Variants in ZNF536 observed in about 807,000 individuals in gnomAD.
ZNF536 encodes the protein zinc finger protein 536.
A neutral mutation model predicts 84.5 loss-of-function variants in ZNF536; 13 were observed. The observed-to-expected ratio is 0.15, with a 90% CI of 0.10 to 0.24. The LOEUF (loss-of-function observed/expected upper bound fraction) is 0.24. Among genes scored for constraint, ZNF536 ranks in the 10% least tolerant of loss-of-function variants. The probability of loss-of-function intolerance (pLI) is 1.00; values close to 1 mark genes in which losing one functional copy is unlikely to be tolerated. For synonymous variants in ZNF536, 811 were observed against 742.5 expected (o/e 1.09, Z -1.50); for missense variants, 1,536 against 1,747.5 (o/e 0.88, Z 2.16).
intron 1 of ZNF536, among the ~76,000 whole-genome samples, chr19:30,614,985 C>T (rs1297084646): frequency 1.9e-5 from 1 of 51,842 alleles, no homozygotes. Context: ...TTCGCTCTGT[C>T]GCCCAGGCTG....
intron 2 of ZNF536, among the ~76,000 whole-genome samples, chr19:30,488,535 A>G (rs1378242953): frequency 1.3e-5 from 2 of 151,014 alleles, no homozygotes; most frequent in African/African-American, 4.9e-5. Context: ...AAAAATTCAA[A>G]AAGGAAAATT....
chr19:30,495,335 G>A (rs922695868), intron 2 of ZNF536, among the ~76,000 whole-genome samples: 2 of 152,236 alleles, frequency 1.3e-5, no homozygotes, highest in African/African-American at 2.4e-5. Flanking sequence ...TTGTGTGCTT[G>A]TGGTGTCTCT....
intron 2 of ZNF536, among the ~76,000 whole-genome samples, chr19:30,526,414 C>T (rs1440644128): frequency 6.6e-6 from 1 of 152,226 alleles, no homozygotes. Context: ...GTTTCACAGA[C>T]TCCACCAACA....
At chr19:30,634,072 C>T (rs2048981409) in intron 1 of ZNF536, among the ~76,000 whole-genome samples, 1 of 152,044 alleles carries the variant, frequency 6.6e-6, no homozygotes, top group Non-Finnish European at 1.5e-5. Context: ...GCTCAGGCTG[C>T]AGGAAGGTCG....
intron 2 of ZNF536, among the ~76,000 whole-genome samples, chr19:30,324,603 G>C (rs2046963498): frequency 6.6e-6 from 1 of 152,058 alleles, no homozygotes; most frequent in African/African-American, 2.4e-5. Context: ...CATTAATCAG[G>C]CTGGTCTTGA....
chr19:30,543,001 G>A (rs755946556), intron 3 of ZNF536, among the ~76,000 whole-genome samples: 4 of 152,046 alleles, frequency 2.6e-5, no homozygotes, highest in Non-Finnish European at 4.4e-5. Flanking sequence ...TTGTAGAAAC[G>A]AGGTCTCCCT....
rs550552843 is a variant in ZNF536 at position 30,305,285 on chromosome 19, G to A, written c.-120+21144G>A. Reference sequence around the variant, plus strand: ...GGCAAGAGTGGGTGCAAGAGAGACCGTGGGAAGGGAGGGGAGCTAGTGTCC... The same window carrying A: ...GGCAAGAGTGGGTGCAAGAGAGACCATGGGAAGGGAGGGGAGCTAGTGTCC... On this transcript the variant is annotated intron_variant, in intron 2 of 5. Coordinates refer to the ZNF536 transcript ENST00000585628. Among the ~76,000 whole-genome samples, 15 of 152,290 alleles carry A rather than the reference G, an allele frequency of 9.8e-5. No individual in the cohort carries two copies. The East Asian group carries it at 2.7e-3, about 28-fold the overall frequency.
chr19:30,409,808 T>A (rs947439622), intron 1 of ZNF536, among the ~76,000 whole-genome samples: 3 of 152,216 alleles, frequency 2.0e-5, no homozygotes, highest in African/African-American at 7.2e-5. Flanking sequence ...CTCATTTTGC[T>A]TTTTATTTCT....
At chr19:30,592,232 G>A (rs975397538) in intron 1 of ZNF536, among the ~76,000 whole-genome samples, 9 of 152,282 alleles carry the variant, frequency 5.9e-5, no homozygotes, top group Admixed American at 1.3e-4. Flanking sequence ...ATCCATTGGT[G>A]TTGTATAAAG....
intron 1 of ZNF536, among the ~76,000 whole-genome samples, chr19:30,584,126 A>G (rs62103420): frequency 5.4e-4 from 82 of 152,094 alleles, no homozygotes; most frequent in Non-Finnish European, 1.0e-3. Flanking sequence ...GCATCTTCCT[A>G]TCTCCCCTGA....
intron 2 of ZNF536, among the ~76,000 whole-genome samples, chr19:30,530,324 C>G (rs1255073397): frequency 7.2e-6 from 1 of 137,966 alleles, no homozygotes; most frequent in Non-Finnish European, 1.6e-5. Flanking sequence ...ACCTCTCTCT[C>G]TGTCTTTTTG....
intron 1 of ZNF536, among the ~76,000 whole-genome samples, chr19:30,701,732 A>G (rs961571554): frequency 3.3e-5 from 5 of 152,220 alleles, no homozygotes; most frequent in African/African-American, 9.6e-5. Context: ...GAAGACATGA[A>G]GTTGAATTCC....
At chr19:30,570,999 G>A (rs2046525801) in intron 1 of ZNF536, among the ~76,000 whole-genome samples, 1 of 152,196 alleles carries the variant, frequency 6.6e-6, no homozygotes, top group Non-Finnish European at 1.5e-5. Flanking sequence ...GCTCCTCAAA[G>A]GAAGATAAGT....
At chr19:30,231,185 TG>T (rs1351294629) in intron 1 of ZNF536, among the ~76,000 whole-genome samples, 1 of 152,248 alleles carries the variant, frequency 6.6e-6, no homozygotes, top group Admixed American at 6.5e-5. Context: ...GTGAGTTTTC[TG>T]CAGGTCAACA....
chr19:30,267,251 T>C (rs981900062), intron 1 of ZNF536, among the ~76,000 whole-genome samples: 2 of 152,360 alleles, frequency 1.3e-5, no homozygotes, highest in East Asian at 3.9e-4. Flanking sequence ...TTTCTGTTCT[T>C]AAGTACTTTT....
At chr19:30,479,928 C>T (rs1382303384) in intron 2 of ZNF536, among the ~76,000 whole-genome samples, 8 of 152,306 alleles carry the variant, frequency 5.3e-5, no homozygotes, top group South Asian at 2.1e-4. Flanking sequence ...ATGCAGGTCT[C>T]GGTCCCCAGC....
intron 1 of ZNF536, among the ~76,000 whole-genome samples, chr19:30,644,456 G>A (rs993166810): frequency 2.0e-5 from 3 of 151,934 alleles, no homozygotes; most frequent in Non-Finnish European, 2.9e-5. Context: ...ATGCTGGTGT[G>A]CTGCACCCAG....
chr19:30,474,313 T>TC, intron 2 of ZNF536, among the ~76,000 whole-genome samples: 1 of 150,052 alleles, frequency 6.7e-6, no homozygotes, highest in South Asian at 2.1e-4. Flanking sequence ...TAAACCCTCT[T>TC]TCTCTCTCTC....
chr19:30,304,143 C>T (rs768099318), intron 2 of ZNF536, among the ~76,000 whole-genome samples: 12 of 152,190 alleles, frequency 7.9e-5, no homozygotes, highest in Admixed American at 3.3e-4. Context: ...GTGCACAGGC[C>T]TCCTTTCTTT....
Sources: gnomAD v4.1 joint callset for allele counts (sites outside exome capture counted in the v4.1 genomes callset) on GRCh38, gnomAD v4.1.1 for gene constraint, MANE v1.5 for transcripts, NCBI Gene and HGNC (gene_info 2026-07-23, HGNC 2026-07-21) for gene names.